The following LRRC3C variants were observed in gnomAD, a reference collection of about 807,000 sequenced individuals.
The protein encoded by LRRC3C is leucine rich repeat containing 3C.
In LRRC3C, 11 loss-of-function variants were observed where a neutral mutation model predicts 14.8. That is an observed-to-expected ratio of 0.74 (90% CI 0.47 to 1.23). The LOEUF (loss-of-function observed/expected upper bound fraction) is 1.23. LRRC3C is among the 50% of genes most tolerant of loss of function. LRRC3C has a pLI of 0.00. For missense variants in LRRC3C, 354 were observed against 361.8 expected (o/e 0.98, Z 0.18); for synonymous variants, 149 against 161.5 (o/e 0.92, Z 0.59).
At chr17:39,943,885 G>A (rs1448942433) in intron 3 of LRRC3C, 48 bp from the exon 4 acceptor site, 1 of 1,523,950 alleles carries the variant, frequency 6.6e-7, no homozygotes, top group African/African-American at 1.4e-5. Flanking sequence ...AGTGGGGCAT[G>A]CGATTCTCTT....
chr17:39,928,093 T>C (rs1410082933), intron 1 of LRRC3C, among the ~76,000 whole-genome samples: 1 of 152,192 alleles, frequency 6.6e-6, no homozygotes, highest in Non-Finnish European at 1.5e-5. Context: ...TTCACAACAT[T>C]GGCTGGGATG....
chr17:39,931,344 G>A (rs1978644770), intron 1 of LRRC3C, among the ~76,000 whole-genome samples: 1 of 150,788 alleles, frequency 6.6e-6, no homozygotes, highest in Admixed American at 6.6e-5. Context: ...TACTCGGGAG[G>A]CTGAGGCAGG....
intron 1 of LRRC3C, among the ~76,000 whole-genome samples, chr17:39,932,089 G>A (rs1225340553): frequency 1.3e-5 from 2 of 152,156 alleles, no homozygotes; most frequent in Non-Finnish European, 2.9e-5. Context: ...GGTTCAACTC[G>A]CAGCTCCTCT....
chr17:39,937,281 C>T (rs112218945), intron 2 of LRRC3C, among the ~76,000 whole-genome samples: 1,825 of 151,126 alleles, frequency 0.012, 19 homozygotes, highest in Non-Finnish European at 0.02. Context: ...ACTGAAAATA[C>T]AAAAATTATC....
At chr17:39,933,435 T>G (rs2144760089) in intron 1 of LRRC3C, among the ~76,000 whole-genome samples, 1 of 152,160 alleles carries the variant, frequency 6.6e-6, no homozygotes, top group South Asian at 2.1e-4. Flanking sequence ...AGAAGGGATG[T>G]CAAGAAACAG....
intron 3 of LRRC3C, among the ~76,000 whole-genome samples, chr17:39,942,059 C>T (rs185860002): frequency 2.6e-3 from 394 of 152,286 alleles, no homozygotes; most frequent in Non-Finnish European, 3.5e-3. Flanking sequence ...ATCTATGACC[C>T]TTTGTCACCT....
chr17:39,941,789 C>T (rs80320567), intron 3 of LRRC3C, among the ~76,000 whole-genome samples: 10,888 of 152,206 alleles, frequency 0.072, 528 homozygotes, highest in South Asian at 0.17. Context: ...TGGTCTTTGG[C>T]CACTGACTCA....
At chr17:39,938,072 C>T (rs569748413) in intron 2 of LRRC3C, among the ~76,000 whole-genome samples, 294 of 152,272 alleles carry the variant, frequency 1.9e-3, no homozygotes, top group Non-Finnish European at 3.1e-3. Flanking sequence ...GCAGAGGCTA[C>T]TGTGAGCCGA....
intron 3 of LRRC3C, 81 bp from the exon 4 acceptor site, chr17:39,943,852 G>T (rs939170927): frequency 1.5e-5 from 21 of 1,405,278 alleles, no homozygotes; most frequent in Non-Finnish European, 2.9e-6. Context: ...TCCCCAGAGG[G>T]ACCTCGGGAG....
At chr17:39,932,433 G>A (rs1001017987) in intron 1 of LRRC3C, among the ~76,000 whole-genome samples, 3 of 152,166 alleles carry the variant, frequency 2.0e-5, no homozygotes, top group Admixed American at 6.5e-5. Flanking sequence ...GCCGGGCACT[G>A]TGGCTCAAGC....
At chr17:39,937,288 T>C (rs1387247885) in intron 2 of LRRC3C, among the ~76,000 whole-genome samples, 1 of 151,654 alleles carries the variant, frequency 6.6e-6, no homozygotes, top group African/African-American at 2.4e-5. Flanking sequence ...ATACAAAAAT[T>C]ATCCGGGTGT....
intron 3 of LRRC3C, 27 bp downstream of exon 3, chr17:39,941,576 T>TTGGTTGTGTCGGGGATGTATTGGTGGCA: frequency 6.5e-7 from 1 of 1,532,430 alleles, no homozygotes; most frequent in Non-Finnish European, 8.7e-7. Flanking sequence ...CTAGTCTCTG[T>TTGGTTGTGTCGGGGATGTATTGGTGGCA]GACACCCCAC....
At position 39,944,484 on chromosome 17, in the gene LRRC3C, C is replaced by A. The variant is rs564368868; in HGVS notation, c.578C>A (p.Pro193Gln). ...TGIVCGSGAR[P>Q]DLVGQEFLLL... ...ATCGTGTGTGGCTCAGGAGCCCGAC[C>A]GGACCTCGTGGGGCAGGAGTTCCTG... is the stretch of plus-strand genomic sequence containing the variant. Residue 193 changes from proline to glutamine, a missense_variant, in exon 4 of 4, where the codon CCG becomes CAG. Pro to Gln is a moderately conservative substitution (Grantham distance 76). Transcript: ENST00000377924. 1.4e-5 allele frequency: 20 copies of A among 1,474,690 alleles called. No homozygotes were observed. The highest frequency in any genetic ancestry group is 2.8e-5 in the African/African-American group (2 of 71,352). The allele number at this position is 1,474,690 out of a possible 1,614,324, so 91.4% of individuals were successfully genotyped here.
chr17:39,930,708 C>CA (rs71300058), intron 1 of LRRC3C, among the ~76,000 whole-genome samples: 53,886 of 70,878 alleles, frequency 0.76, 20,972 homozygotes, highest in Non-Finnish European at 0.8. Flanking sequence ...GGCTCTGTCT[C>CA]AAAAAAAAAA....
chr17:39,936,217 C>G (rs559258980), intron 2 of LRRC3C, among the ~76,000 whole-genome samples: 44 of 152,328 alleles, frequency 2.9e-4, no homozygotes, highest in Middle Eastern at 3.4e-3. Flanking sequence ...ACACGTGGAG[C>G]ATCAGGCTAG....
intron 2 of LRRC3C, among the ~76,000 whole-genome samples, chr17:39,936,388 C>T (rs1978796186): frequency 6.6e-6 from 1 of 152,198 alleles, no homozygotes; most frequent in African/African-American, 2.4e-5. Context: ...AGACCCATGC[C>T]ATGTGTCCCT....
intron 3 of LRRC3C, among the ~76,000 whole-genome samples, chr17:39,942,960 T>G (rs1403147782): frequency 6.6e-6 from 1 of 152,182 alleles, no homozygotes; most frequent in Non-Finnish European, 1.5e-5. Context: ...GGAAGCAGTT[T>G]CAGCCTTGGG....
chr17:39,936,677 A>G (rs35123741), intron 2 of LRRC3C, among the ~76,000 whole-genome samples: 67,891 of 149,072 alleles, frequency 0.46, 15,669 homozygotes, highest in East Asian at 0.56. Flanking sequence ...ATATCTGGGC[A>G]TGGTGGCATG....
At chr17:39,935,137 C>T (rs1449874783) in intron 1 of LRRC3C, among the ~76,000 whole-genome samples, 1 of 152,110 alleles carries the variant, frequency 6.6e-6, no homozygotes, top group Non-Finnish European at 1.5e-5. Context: ...TCATTTTACC[C>T]AGCTTCTATT....
Sources: allele counts gnomAD v4.1 joint callset (sites outside exome capture counted in the v4.1 genomes callset), GRCh38; gene constraint gnomAD v4.1.1; transcripts MANE v1.5; gene names NCBI Gene and HGNC (gene_info 2026-07-23, HGNC 2026-07-21).